The following BBS9 variants were observed in gnomAD, a reference collection of about 807,000 sequenced individuals.
The protein encoded by BBS9 is Bardet-Biedl syndrome 9.
In BBS9, 89 loss-of-function variants were observed where a neutral mutation model predicts 117.7. The ratio of observed to expected loss-of-function variants is 0.76; its 90% confidence interval spans 0.64 to 0.90. BBS9 has a LOEUF of 0.90. Among genes scored for constraint, BBS9 ranks in the 40% least tolerant of loss-of-function variants. The probability of loss-of-function intolerance (pLI) is 0.00; values close to 1 mark genes in which losing one functional copy is unlikely to be tolerated. For missense variants in BBS9, 982 were observed against 1,042.2 expected, an observed-to-expected ratio of 0.94 and a Z score of 0.80; for synonymous variants, 379 against 370.9, an observed-to-expected ratio of 1.02 and a Z score of -0.25.
At chr7:33,402,729 T>C (rs1829118673) in intron 19 of BBS9, among the ~76,000 whole-genome samples, 1 of 152,194 alleles carries the variant, frequency 6.6e-6, no homozygotes, top group Admixed American at 6.6e-5. Context: ...GCAGTACCTG[T>C]GCAGGCTTGT....
intron 20 of BBS9, among the ~76,000 whole-genome samples, chr7:33,525,855 A>G (rs1365628579): frequency 6.7e-6 from 1 of 150,158 alleles, no homozygotes. Flanking sequence ...GATGGTCTTT[A>G]CATTTTGGCA....
intron 19 of BBS9, among the ~76,000 whole-genome samples, chr7:33,439,140 G>C (rs897241537): frequency 1.3e-5 from 2 of 152,132 alleles, no homozygotes; most frequent in Admixed American, 6.6e-5. Flanking sequence ...ATGCTAGGCC[G>C]GGCCCTAGTT....
rs137985444 is a variant in BBS9 at position 33,150,755 on chromosome 7, G to C, written c.113-1946G>C. ...CATGCTCTGAGAAGAATGTGTAGGTGGCTATGAGTGTCACAGCCTATGATG... is the reference window on the plus strand; with the variant it reads ...CATGCTCTGAGAAGAATGTGTAGGTCGCTATGAGTGTCACAGCCTATGATG... On this transcript the variant is annotated intron_variant, in intron 2 of 22. Coordinates refer to ENST00000242067, the MANE Select transcript of BBS9 (RefSeq NM_198428.3). Among the ~76,000 whole-genome samples the C allele has an allele frequency of 2.3e-4, 35 of 152,254 alleles. No individual in the cohort carries two copies. The East Asian group carries it at 6.8e-3, about 29-fold the overall frequency.
At chr7:33,322,065 A>G (rs1282431849) in intron 9 of BBS9, among the ~76,000 whole-genome samples, 2 of 152,068 alleles carry the variant, frequency 1.3e-5, no homozygotes, top group Non-Finnish European at 2.9e-5. Flanking sequence ...CATCCTAGGG[A>G]TATATCCCAC....
chr7:33,521,557 T>A (rs1273305786), intron 20 of BBS9, among the ~76,000 whole-genome samples: 2 of 152,176 alleles, frequency 1.3e-5, no homozygotes. Context: ...TGAGAGTTAG[T>A]AGATTACATG....
At chr7:33,175,613 G>A (rs984148803) in intron 4 of BBS9, among the ~76,000 whole-genome samples, 14 of 152,136 alleles carry the variant, frequency 9.2e-5, no homozygotes, top group Admixed American at 2.6e-4. Flanking sequence ...ATTCCTGACA[G>A]CTTAGCATTT....
intron 5 of BBS9, among the ~76,000 whole-genome samples, chr7:33,214,805 T>C (rs1260981666): frequency 6.6e-6 from 1 of 152,216 alleles, no homozygotes; most frequent in African/African-American, 2.4e-5. Context: ...TCAATCCCTG[T>C]CAAAATACTG....
At chr7:33,590,787 G>A (rs1413215781) in intron 21 of BBS9, among the ~76,000 whole-genome samples, 1 of 151,628 alleles carries the variant, frequency 6.6e-6, no homozygotes, top group African/African-American at 2.4e-5. Context: ...TATGAACTAG[G>A]TATAATTATT....
intron 19 of BBS9, among the ~76,000 whole-genome samples, chr7:33,496,816 C>T (rs1273298059): frequency 6.6e-6 from 1 of 152,216 alleles, no homozygotes; most frequent in Admixed American, 6.5e-5. Context: ...ACATGCCTGT[C>T]TGGCATTTAA....
intron 5 of BBS9, among the ~76,000 whole-genome samples, chr7:33,198,405 T>C (rs1785277340): frequency 6.6e-6 from 1 of 152,026 alleles, no homozygotes; most frequent in African/African-American, 2.4e-5. Context: ...TAAAAGTGCA[T>C]GTTTCCAAGG....
At chr7:33,235,675 A>G (rs1293124518) in intron 5 of BBS9, among the ~76,000 whole-genome samples, 2 of 152,302 alleles carry the variant, frequency 1.3e-5, no homozygotes, top group Non-Finnish European at 2.9e-5. Flanking sequence ...TGACAAAATC[A>G]ACTGGACTTT....
At chr7:33,217,738 A>G (rs1279650813) in intron 5 of BBS9, among the ~76,000 whole-genome samples, 3 of 152,234 alleles carry the variant, frequency 2.0e-5, no homozygotes, top group Non-Finnish European at 4.4e-5. Flanking sequence ...ACTGGAAACC[A>G]TGTTGAGTAT....
intron 19 of BBS9, among the ~76,000 whole-genome samples, chr7:33,442,435 T>G (rs963304008): frequency 3.3e-5 from 5 of 152,202 alleles, no homozygotes; most frequent in African/African-American, 1.2e-4. Flanking sequence ...AAAATAAATG[T>G]TCTCAAGAAA....
intron 5 of BBS9, among the ~76,000 whole-genome samples, chr7:33,211,425 A>G (rs763817021): frequency 7.2e-5 from 11 of 152,368 alleles, no homozygotes; most frequent in African/African-American, 2.4e-4. Context: ...TGCATGAACA[A>G]AAAACAAACA....
Position 33,533,960 on chromosome 7 carries a change from G to A in BBS9, c.2305G>A (p.Glu769Lys), listed in dbSNP as rs1213406611. ...AATTGGCTTTTGTATCCAGGGCTGGGAAGAAACGGTGGATGCCGCCATTTC... is the reference window on the plus strand; with the variant it reads ...AATTGGCTTTTGTATCCAGGGCTGGAAAGAAACGGTGGATGCCGCCATTTC... ...LQEDTQELGW[E>K]ETVDAAISHL... Residue 769 changes from glutamate to lysine, a missense_variant, in exon 21 of 23, where the codon GAA becomes AAA. Transcript: ENST00000242067. 4 of 1,614,210 alleles carry A rather than the reference G, an allele frequency of 2.5e-6. No individual in the cohort carries two copies. Among genetic ancestry groups the A allele is most frequent in the African/African-American group, 1.3e-5 (1 of 75,064 alleles).
chr7:33,618,456 G>T (rs1021255383), intron 21 of BBS9, among the ~76,000 whole-genome samples: 11 of 152,114 alleles, frequency 7.2e-5, no homozygotes, highest in Non-Finnish European at 1.2e-4. Flanking sequence ...TACCATCATG[G>T]TGGTGCATAA....
intron 19 of BBS9, among the ~76,000 whole-genome samples, chr7:33,398,457 C>T (rs1828371183): frequency 6.6e-6 from 1 of 152,176 alleles, no homozygotes; most frequent in African/African-American, 2.4e-5. Context: ...CTGTCTGACC[C>T]TTGCTAGTTT....
At chr7:33,281,496 C>G (rs1264699046) in intron 9 of BBS9, among the ~76,000 whole-genome samples, 2 of 151,174 alleles carry the variant, frequency 1.3e-5, no homozygotes, top group African/African-American at 4.9e-5. Flanking sequence ...ACTTCAGCCC[C>G]ACAGGTGGCT....
chr7:33,186,693 A>C (rs1783190405), intron 5 of BBS9, among the ~76,000 whole-genome samples: 1 of 152,112 alleles, frequency 6.6e-6, no homozygotes, highest in African/African-American at 2.4e-5. Context: ...TTGGGCTTTT[A>C]TTTATTTATT....
Sources: gnomAD v4.1 joint callset for allele counts (sites outside exome capture counted in the v4.1 genomes callset) on GRCh38, gnomAD v4.1.1 for gene constraint, MANE v1.5 for transcripts, NCBI Gene and HGNC (gene_info 2026-07-23, HGNC 2026-07-21) for gene names.